Variants in ROBO2 observed in about 807,000 individuals in gnomAD.
The protein encoded by ROBO2 is roundabout guidance receptor 2.
Under a neutral mutation model 160.8 loss-of-function variants are expected in ROBO2, and 53 were observed. That is an observed-to-expected ratio of 0.33 (90% CI 0.26 to 0.41). The LOEUF (loss-of-function observed/expected upper bound fraction) is 0.41, where lower values mean the gene tolerates loss of function less well. ROBO2 is among the 10% of genes least tolerant of loss of function. The pLI, the probability that ROBO2 is intolerant of heterozygous loss-of-function variation, is 1.00. For synonymous variants in ROBO2, 664 were observed against 611.7 expected, an observed-to-expected ratio of 1.09 and a Z score of -1.26; for missense variants, 1,577 against 1,722.4, an observed-to-expected ratio of 0.92 and a Z score of 1.49.
intron 2 of ROBO2, among the ~76,000 whole-genome samples, chr3:76,551,772 C>CTGA (rs2083438252): frequency 6.6e-6 from 1 of 152,196 alleles, no homozygotes; most frequent in Non-Finnish European, 1.5e-5. Context: ...TCAGATCCAA[C>CTGA]TGCAGCCTTG....
intron 2 of ROBO2, among the ~76,000 whole-genome samples, chr3:76,372,989 C>T (rs1189802537): frequency 1.3e-5 from 2 of 151,906 alleles, no homozygotes; most frequent in Admixed American, 6.6e-5. Flanking sequence ...GAAGAATAAG[C>T]GAATTAAATC....
chr3:76,769,574 A>G (rs2061768109), intron 2 of ROBO2, among the ~76,000 whole-genome samples: 1 of 151,456 alleles, frequency 6.6e-6, no homozygotes, highest in South Asian at 2.1e-4. Context: ...ATGAAACAAA[A>G]AGACAATAGT....
At chr3:76,067,500 A>T (rs930453340) in intron 2 of ROBO2, among the ~76,000 whole-genome samples, 2 of 20,450 alleles carry the variant, frequency 9.8e-5, no homozygotes, top group African/African-American at 3.9e-4. Flanking sequence ...GGAATTGTTT[A>T]AAAAAAAAAC....
At chr3:76,015,936 C>T (rs1468312850) in intron 2 of ROBO2, among the ~76,000 whole-genome samples, 1 of 152,124 alleles carries the variant, frequency 6.6e-6, no homozygotes, top group Non-Finnish European at 1.5e-5. Context: ...AGAATTTTTG[C>T]ACACATAGTC....
At chr3:76,748,275 A>G (rs1047368995) in intron 2 of ROBO2, among the ~76,000 whole-genome samples, 1 of 151,822 alleles carries the variant, frequency 6.6e-6, no homozygotes, top group African/African-American at 2.4e-5. Context: ...TAATTAATAT[A>G]TATTAAAGTA....
chr3:77,359,992 C>T (rs530915926), intron 2 of ROBO2, among the ~76,000 whole-genome samples: 2 of 152,240 alleles, frequency 1.3e-5, no homozygotes, highest in African/African-American at 2.4e-5. Context: ...CCAACCTCAG[C>T]CCTCTAATCA....
intron 2 of ROBO2, among the ~76,000 whole-genome samples, chr3:76,337,370 T>C (rs1253153471): frequency 6.6e-6 from 1 of 152,194 alleles, no homozygotes; most frequent in Non-Finnish European, 1.5e-5. Context: ...TAGGTCCACT[T>C]AGGTAAAATA....
In ROBO2 at chr3:76,359,217, G is replaced by A. The variant is rs2075361751; in HGVS notation, c.109+421615G>A. On this transcript the variant is annotated intron_variant, in intron 2 of 26. Coordinates refer to the ROBO2 transcript ENST00000487694. ...TTCCAAGTCTTTGCTATTGTGAATA[G>A]TGCCGCAATAAACATACGTGTGCAT... 1.3e-5 allele frequency among the ~76,000 whole-genome samples: 2 copies of A among 151,786 alleles called. 1 individual carries two copies. Among genetic ancestry groups the A allele is most frequent in the Admixed American group, 1.3e-4 (2 of 15,200 alleles).
intron 5 of ROBO2, 122 bp from the exon 6 acceptor site, chr3:77,522,653 G>T: frequency 2.3e-6 from 2 of 868,304 alleles, no homozygotes; most frequent in South Asian, 1.6e-5. Context: ...TGGCTGATTT[G>T]TGTGTGTGTG....
At chr3:76,660,995 G>A (rs1021413704) in intron 2 of ROBO2, among the ~76,000 whole-genome samples, 3 of 151,988 alleles carry the variant, frequency 2.0e-5, no homozygotes, top group African/African-American at 7.2e-5. Flanking sequence ...AATTTTACAG[G>A]ATATTAAATA....
intron 2 of ROBO2, among the ~76,000 whole-genome samples, chr3:76,899,348 G>A (rs1209875857): frequency 2.0e-5 from 3 of 152,032 alleles, no homozygotes; most frequent in African/African-American, 4.8e-5. Context: ...TGGTTATTAA[G>A]TAAATGAACA....
At chr3:76,318,195 G>T (rs1046737612) in intron 2 of ROBO2, among the ~76,000 whole-genome samples, 1 of 152,016 alleles carries the variant, frequency 6.6e-6, no homozygotes, top group Non-Finnish European at 1.5e-5. Flanking sequence ...TATTAAAAAA[G>T]CTCTTTGAAT....
In ROBO2 at chr3:77,074,697, G is replaced by A. The variant is rs561971054; in HGVS notation, c.62-23317G>A. ...ATTGTTTGATCTCCCCTTCTGTGAT[G>A]TATATTGCTCACTGAAATATTCAGT... On this transcript the variant is annotated intron_variant, in intron 1 of 25. Coordinates refer to ENST00000461745, the Ensembl canonical transcript of ROBO2. Among the ~76,000 whole-genome samples the A allele has an allele frequency of 8.5e-5, 13 of 152,200 alleles. No homozygotes were observed. The South Asian group carries it at 2.5e-3, about 29-fold the overall frequency.
chr3:76,047,011 A>G (rs906653316), intron 2 of ROBO2, among the ~76,000 whole-genome samples: 4 of 152,158 alleles, frequency 2.6e-5, no homozygotes, highest in Admixed American at 6.5e-5. Context: ...GAGTTTAAAT[A>G]TTTTATATTT....
intron 2 of ROBO2, among the ~76,000 whole-genome samples, chr3:76,934,958 A>AT (rs151316771): frequency 1.4e-5 from 2 of 146,730 alleles, no homozygotes; most frequent in African/African-American, 5.1e-5. Flanking sequence ...AGGCTTCACA[A>AT]ATTTTTTTTT....
At chr3:76,069,525 G>GTTTTT (rs35295337) in intron 2 of ROBO2, among the ~76,000 whole-genome samples, 1 of 148,190 alleles carries the variant, frequency 6.7e-6, no homozygotes. Context: ...CTTATTGCTA[G>GTTTTT]TTTTTTTTTT....
At position 76,171,344 on chromosome 3, in the gene ROBO2, G is replaced by GA. The variant is rs569104036; in HGVS notation, c.109+233754dup. ...AACAAACAGAAAAAAAGAAGAAAAA[G>GA]AAAAAAAAAAAACCTCTGAGGATTC... On this transcript the variant is annotated intron_variant, in intron 2 of 26. Coordinates refer to the ROBO2 transcript ENST00000487694. 1.7e-3 allele frequency among the ~76,000 whole-genome samples: 224 copies of GA among 133,042 alleles called. 1 individual carries two copies. Among genetic ancestry groups the GA allele is most frequent in the East Asian group, 0.013 (60 of 4,626 alleles). The allele number at this position is 133,042 out of a possible 152,430, so 87.3% of individuals were successfully genotyped here.
At chr3:77,026,054 T>C (rs976249493) in intron 2 of ROBO2, among the ~76,000 whole-genome samples, 10 of 152,216 alleles carry the variant, frequency 6.6e-5, no homozygotes, top group African/African-American at 2.2e-4. Context: ...GCAAAGTTTA[T>C]ATGTGCATAT....
intron 21 of ROBO2, among the ~76,000 whole-genome samples, chr3:77,615,377 G>A (rs945592080): frequency 6.6e-6 from 1 of 151,942 alleles, no homozygotes; most frequent in Non-Finnish European, 1.5e-5. Flanking sequence ...TTTACATTAG[G>A]GTTCTCTCTG....
Sources: allele counts gnomAD v4.1 joint callset (sites outside exome capture counted in the v4.1 genomes callset), GRCh38; gene constraint gnomAD v4.1.1; transcripts MANE v1.5; gene names NCBI Gene and HGNC (gene_info 2026-07-23, HGNC 2026-07-21).